The following BATF variants were observed in gnomAD, a reference collection of about 807,000 sequenced individuals.
BATF encodes basic leucine zipper ATF-like transcription factor.
In BATF, 5 loss-of-function variants were observed where a neutral mutation model predicts 13.7. The ratio of observed to expected loss-of-function variants is 0.36; its 90% CI spans 0.19 to 0.77. The LOEUF (loss-of-function observed/expected upper bound fraction) is 0.77. Among genes scored for constraint, BATF ranks in the 30% least tolerant of loss-of-function variants. The pLI is 0.51. For missense variants in BATF, 124 were observed against 163.0 expected (o/e 0.76, Z 1.30); for synonymous variants, 72 against 67.5 (o/e 1.07, Z -0.33).
At chr14:75,532,720 AT>A (rs1366373348) in intron 2 of BATF, among the ~76,000 whole-genome samples, 5 of 152,366 alleles carry the variant, frequency 3.3e-5, no homozygotes, top group South Asian at 2.1e-4. Context: ...CAATAAAAAA[AT>A]TTATGCTGGT....
In BATF at chr14:75,528,938, A is replaced by G. The variant is rs150244642; in HGVS notation, c.168+3750A>G. On this transcript the variant is annotated intron_variant, in intron 2 of 2. Transcript: ENST00000286639. ...ATGGAAGGAAGGAATAATTTAACAA[A>G]AATTATGAAGAGTGTATCCTAAATG... is the stretch of plus-strand genomic sequence containing the variant. Among the ~76,000 whole-genome samples the G allele has an allele frequency of 8.4e-3, 1,286 of 152,362 alleles. 11 individuals carry two copies. The highest frequency in any genetic ancestry group is 0.027 in the Middle Eastern group (8 of 294).
chr14:75,526,553 G>C (rs187170782), intron 2 of BATF, among the ~76,000 whole-genome samples: 5 of 151,852 alleles, frequency 3.3e-5, no homozygotes, highest in African/African-American at 7.3e-5. Flanking sequence ...CAAGGAAACA[G>C]AGCAGACTGC....
intron 2 of BATF, among the ~76,000 whole-genome samples, chr14:75,537,950 T>C (rs1216002856): frequency 6.6e-6 from 1 of 152,118 alleles, no homozygotes; most frequent in Non-Finnish European, 1.5e-5. Context: ...TCAAACACTA[T>C]ATAGTTATGT....
At chr14:75,544,847 G>A (rs555942828) in intron 2 of BATF, among the ~76,000 whole-genome samples, 32 of 140,184 alleles carry the variant, frequency 2.3e-4, no homozygotes, top group Non-Finnish European at 4.5e-4. Context: ...TTCCTCTGTG[G>A]TTACCAATGC....
At chr14:75,538,521 G>A (rs1008429401) in intron 2 of BATF, among the ~76,000 whole-genome samples, 63 of 152,210 alleles carry the variant, frequency 4.1e-4, no homozygotes, top group Admixed American at 3.3e-4. Context: ...AATGTGTGGA[G>A]TGAGCAGAAT....
intron 1 of BATF, among the ~76,000 whole-genome samples, chr14:75,524,299 C>G (rs1407055473): frequency 6.6e-6 from 1 of 152,204 alleles, no homozygotes; most frequent in African/African-American, 2.4e-5. Context: ...CAGGTCACCT[C>G]CACCATTAAC....
intron 2 of BATF, among the ~76,000 whole-genome samples, chr14:75,535,497 AT>A: frequency 6.6e-6 from 1 of 152,324 alleles, no homozygotes; most frequent in South Asian, 2.1e-4. Context: ...CTTTTAAAAA[AT>A]ATCTTTAATG....
At chr14:75,530,035 G>A (rs1189656111) in intron 2 of BATF, among the ~76,000 whole-genome samples, 2 of 141,330 alleles carry the variant, frequency 1.4e-5, no homozygotes, top group Non-Finnish European at 3.0e-5. Flanking sequence ...CTGCACTCCA[G>A]CCTGGGAGAC....
chr14:75,530,814 C>T lies in BATF; in HGVS notation c.168+5626C>T, dbSNP rs1261687061. Reference sequence around the variant, plus strand: ...CAGGTGTGAGCAACAGCACCCAGCCCCTTCTGTGTTTTTAATAAAAAGAAA... The same window carrying T: ...CAGGTGTGAGCAACAGCACCCAGCCTCTTCTGTGTTTTTAATAAAAAGAAA... On this transcript the variant is annotated intron_variant, in intron 2 of 2. Coordinates refer to ENST00000286639, the MANE Select transcript of BATF (RefSeq NM_006399.5). Among the ~76,000 whole-genome samples the T allele has an allele frequency of 2.6e-5, 4 of 152,026 alleles. No homozygotes were observed. In the East Asian group the frequency reaches 7.7e-4, roughly 29 times the overall value.
intron 2 of BATF, among the ~76,000 whole-genome samples, chr14:75,538,657 T>C (rs1566768550): frequency 6.6e-6 from 1 of 152,296 alleles, no homozygotes; most frequent in East Asian, 1.9e-4. Flanking sequence ...ATCCCAACAC[T>C]TTGGGAGCCC....
In BATF at chr14:75,546,448, C is replaced by A; in HGVS notation, c.169-14C>A. ...CTAGACACTAACCTCCGGTGCTGAT[C>A]CCCACCCCTACAGGAGAGCGAAGAC... is the stretch of plus-strand genomic sequence containing the variant. On this transcript the variant is annotated splice_polypyrimidine_tract_variant and intron_variant, in intron 2 of 2. Coordinates refer to ENST00000286639, the MANE Select transcript of BATF (RefSeq NM_006399.5). The A allele has an allele frequency of 6.2e-7, 1 of 1,613,752 alleles. No homozygotes were observed. The highest frequency in any genetic ancestry group is 8.5e-7 in the Non-Finnish European group (1 of 1,179,744).
In BATF at chr14:75,546,943, CA is replaced by C. The variant is rs1887999149; in HGVS notation, c.*274del. The C allele has an allele frequency of 1.4e-6, 1 of 703,558 alleles. No individual in the cohort carries two copies. The highest frequency in any genetic ancestry group is 1.7e-5 in the African/African-American group (1 of 57,258). 43.6% of individuals were successfully genotyped at this position (703,558 alleles called of 1,614,324 possible). On this transcript the variant is annotated 3_prime_UTR_variant, in exon 3 of 3. Transcript: ENST00000286639. ...GATGCTCAAGTCCCATGGCACAGAG[CA>C]AGGCGGGCAGGGAACGGTTATTTTT...
At chr14:75,540,754 C>T (rs1486686967) in intron 2 of BATF, among the ~76,000 whole-genome samples, 1 of 150,716 alleles carries the variant, frequency 6.6e-6, no homozygotes, top group African/African-American at 2.5e-5. Context: ...CCATAAAATA[C>T]TTAAAAGAGT....
chr14:75,536,011 C>T (rs751809905), intron 2 of BATF, among the ~76,000 whole-genome samples: 11 of 152,220 alleles, frequency 7.2e-5, no homozygotes, highest in African/African-American at 2.4e-4. Context: ...GATTCATCTA[C>T]TCAACAAATA....
At chr14:75,544,791 AATTTTTTT>A (rs781328529) in intron 2 of BATF, among the ~76,000 whole-genome samples, 2 of 43,552 alleles carry the variant, frequency 4.6e-5, no homozygotes, top group Non-Finnish European at 1.1e-4. Context: ...TTTGAACTGA[AATTTTTTT>A]TTTTTTTTTT....
At chr14:75,525,272 T>C in intron 2 of BATF, 84 bp downstream of exon 2, 1 of 1,407,464 alleles carries the variant, frequency 7.1e-7, no homozygotes. Context: ...ATAGCTTTGA[T>C]TCTGCTTGTG....
rs556999836 is a variant in BATF, at chr14:75,546,897, A to T, written c.*226A>T. On this transcript the variant is annotated 3_prime_UTR_variant, in exon 3 of 3. Transcript: ENST00000286639. ...CCCACCACTGTGGGTTGCAGGCCCA[A>T]TGCAGAAGAGTATTAAGAAAGATGC... The T allele has an allele frequency of 2.8e-6, 2 of 715,112 alleles. No individual in the cohort carries two copies. Among genetic ancestry groups the T allele is most frequent in the Non-Finnish European group, 5.0e-6 (2 of 396,488 alleles). 44.3% of individuals were successfully genotyped at this position (715,112 alleles called of 1,614,324 possible).
intron 2 of BATF, among the ~76,000 whole-genome samples, chr14:75,536,722 TTAAAATAAAATAAAA>T (rs56280822): frequency 2.4e-5 from 3 of 125,840 alleles, no homozygotes; most frequent in African/African-American, 6.0e-5. Context: ...GATCCTGTCT[TTAAAATAAAATAAAA>T]TAAAATAAAA....
intron 2 of BATF, among the ~76,000 whole-genome samples, chr14:75,534,249 G>A (rs557321331): frequency 6.6e-6 from 1 of 152,258 alleles, no homozygotes; most frequent in East Asian, 1.9e-4. Context: ...AAAACATCAG[G>A]ACTCCAATAG....
Sources: allele counts gnomAD v4.1 joint callset (sites outside exome capture counted in the v4.1 genomes callset), GRCh38; gene constraint gnomAD v4.1.1; transcripts MANE v1.5; gene names NCBI Gene and HGNC (gene_info 2026-07-23, HGNC 2026-07-21).